The following MAGI2 variants were observed in gnomAD, a reference collection of about 807,000 sequenced individuals.
MAGI2 encodes membrane associated guanylate kinase, WW and PDZ domain containing 2.
In MAGI2, 35 loss-of-function variants were observed where a neutral mutation model predicts 133.3. The ratio of observed to expected loss-of-function variants is 0.26; its 90% CI spans 0.20 to 0.35. The LOEUF is 0.35. Among genes scored for constraint, MAGI2 ranks in the 10% least tolerant of loss-of-function variants. The pLI is 1.00. For missense variants in MAGI2, 1,636 were observed against 1,863.4 expected (o/e 0.88, Z 2.25); for synonymous variants, 729 against 710.6 (o/e 1.03, Z -0.41).
chr7:78,551,984 A>G (rs1487143724), intron 3 of MAGI2, among the ~76,000 whole-genome samples: 1 of 151,976 alleles, frequency 6.6e-6, no homozygotes, highest in Admixed American at 6.6e-5. Flanking sequence ...AGCTCAAGCA[A>G]CTTGCCTGCT....
intron 2 of MAGI2, among the ~76,000 whole-genome samples, chr7:78,903,230 T>G (rs1470416600): frequency 3.0e-4 from 38 of 126,648 alleles, no homozygotes; most frequent in East Asian, 1.6e-3. Flanking sequence ...GTCTCGCTCT[T>G]TCGCCCAGGC....
At chr7:78,695,895 G>T (rs1305084874) in intron 2 of MAGI2, among the ~76,000 whole-genome samples, 1 of 152,102 alleles carries the variant, frequency 6.6e-6, no homozygotes, top group Non-Finnish European at 1.5e-5. Context: ...GTTTTTAAAA[G>T]ACTTTTCTGT....
At chr7:79,394,937 T>C (rs1341646114) in intron 1 of MAGI2, among the ~76,000 whole-genome samples, 4 of 152,206 alleles carry the variant, frequency 2.6e-5, no homozygotes, top group Admixed American at 6.5e-5. Flanking sequence ...ACAAATGTGC[T>C]CTGAACAATT....
At chr7:79,133,260 T>G (rs1222507163) in intron 1 of MAGI2, among the ~76,000 whole-genome samples, 1 of 152,226 alleles carries the variant, frequency 6.6e-6, no homozygotes, top group African/African-American at 2.4e-5. Flanking sequence ...AACATTATCT[T>G]CTAGAATTTT....
chr7:78,188,850 C>T (rs984041541), intron 12 of MAGI2, among the ~76,000 whole-genome samples: 5 of 152,084 alleles, frequency 3.3e-5, no homozygotes, highest in Admixed American at 6.6e-5. Context: ...TATTTAATTA[C>T]GTGGGAAAAG....
intron 21 of MAGI2, chr7:78,065,439 C>A: frequency 1.8e-6 from 1 of 568,036 alleles, no homozygotes; most frequent in Non-Finnish European, 3.1e-6. Context: ...AAGGTCTGAG[C>A]TATACATATA....
At chr7:78,417,296 C>A (rs1325264472) in intron 6 of MAGI2, among the ~76,000 whole-genome samples, 1 of 112,650 alleles carries the variant, frequency 8.9e-6, no homozygotes, top group Non-Finnish European at 1.8e-5. Flanking sequence ...TAAAATAAAA[C>A]CATTTTCTAA....
intron 1 of MAGI2, among the ~76,000 whole-genome samples, chr7:79,136,635 T>G (rs1821605278): frequency 6.6e-6 from 1 of 152,242 alleles, no homozygotes; most frequent in Non-Finnish European, 1.5e-5. Context: ...TACCCTCAAA[T>G]AGACTGAACT....
At chr7:79,452,974 G>A in intron 1 of MAGI2, 46 bp downstream of exon 1, 3 of 1,506,532 alleles carry the variant, frequency 2.0e-6, no homozygotes, top group Non-Finnish European at 2.6e-6. Flanking sequence ...TGCGCCCCGA[G>A]CGGTCCCACC....
chr7:78,432,239 T>G (rs887745577), intron 6 of MAGI2, among the ~76,000 whole-genome samples: 3 of 151,744 alleles, frequency 2.0e-5, no homozygotes, highest in Non-Finnish European at 2.9e-5. Context: ...TAGCTTTTCT[T>G]TTTGCCAAAA....
At chr7:78,924,368 C>T (rs189822598) in intron 2 of MAGI2, among the ~76,000 whole-genome samples, 1 of 152,206 alleles carries the variant, frequency 6.6e-6, no homozygotes, top group African/African-American at 2.4e-5. Context: ...AGATACGTCC[C>T]ATCAATACCT....
chr7:78,597,360 A>T (rs10277137), intron 3 of MAGI2, among the ~76,000 whole-genome samples: 112,552 of 146,984 alleles, frequency 0.77, 43,001 homozygotes, highest in African/African-American at 0.85. Context: ...AAACAGTAAA[A>T]TAAATGAATT....
intron 2 of MAGI2, among the ~76,000 whole-genome samples, chr7:78,686,666 A>G (rs954695556): frequency 1.2e-4 from 19 of 152,116 alleles, no homozygotes; most frequent in African/African-American, 4.6e-4. Context: ...ATCCGAGGCT[A>G]TGATGTTCAA....
At chr7:79,445,682 A>T (rs1351836503) in intron 1 of MAGI2, among the ~76,000 whole-genome samples, 2 of 152,296 alleles carry the variant, frequency 1.3e-5, no homozygotes, top group Non-Finnish European at 2.9e-5. Flanking sequence ...GCTGGAGAGG[A>T]TGTGGAGAAA....
At chr7:78,802,938 A>T (rs1788197741) in intron 2 of MAGI2, among the ~76,000 whole-genome samples, 1 of 151,760 alleles carries the variant, frequency 6.6e-6, no homozygotes, top group Non-Finnish European at 1.5e-5. Flanking sequence ...TAAAAAAAAA[A>T]AAGAGACCTC....
chr7:78,354,116 T>G (rs923974743), intron 7 of MAGI2, among the ~76,000 whole-genome samples: 2 of 152,168 alleles, frequency 1.3e-5, no homozygotes, highest in African/African-American at 4.8e-5. Flanking sequence ...GTGTCCTAGG[T>G]ATTGTTTTCA....
chr7:78,408,941 T>C (rs536935862), intron 6 of MAGI2, among the ~76,000 whole-genome samples: 1 of 152,196 alleles, frequency 6.6e-6, no homozygotes, highest in African/African-American at 2.4e-5. Context: ...AGACCATCTA[T>C]GAATTTAACT....
intron 2 of MAGI2, among the ~76,000 whole-genome samples, chr7:78,653,052 C>A (rs1374818502): frequency 6.6e-6 from 1 of 152,132 alleles, no homozygotes; most frequent in Non-Finnish European, 1.5e-5. Flanking sequence ...CATCACTGGT[C>A]ATCAGAGAAA....
In MAGI2 at chr7:78,591,937, T is replaced by A. The variant is rs187698921; in HGVS notation, c.538+35183A>T. On this transcript the variant is annotated intron_variant, in intron 3 of 21. Coordinates refer to ENST00000354212, the MANE Select transcript of MAGI2 (RefSeq NM_012301.4). The stretch of plus-strand genomic sequence containing the variant: ...AAGAGAAGACTCTTGAAAACTTTTT[T>A]AAAAAATCTGATGGAAAAAATGTAA... Among the ~76,000 whole-genome samples, 560 of 152,276 alleles carry A rather than the reference T, an allele frequency of 3.7e-3. 3 individuals carry two copies. Among genetic ancestry groups the A allele is most frequent in the African/African-American group, 0.011 (448 of 41,548 alleles).
Sources: allele counts gnomAD v4.1 joint callset (sites outside exome capture counted in the v4.1 genomes callset), GRCh38; gene constraint gnomAD v4.1.1; transcripts MANE v1.5; gene names NCBI Gene and HGNC (gene_info 2026-07-23, HGNC 2026-07-21).